The following CACNB4 variants were observed in gnomAD, a reference collection of about 807,000 sequenced individuals.
CACNB4 encodes the protein voltage-dependent L-type calcium channel subunit beta-4.
A neutral mutation model predicts 71.2 loss-of-function variants in CACNB4; 32 were observed. The observed-to-expected ratio is 0.45, with a 90% CI of 0.34 to 0.60. The LOEUF is 0.60. Ranked by LOEUF, CACNB4 falls within the 20% of genes least tolerant of loss-of-function variation. The probability of loss-of-function intolerance (pLI) is 0.01; values close to 1 mark genes in which losing one functional copy is unlikely to be tolerated. For synonymous variants in CACNB4, 231 were observed against 236.9 expected, an observed-to-expected ratio of 0.97 and a Z score of 0.23; for missense variants, 464 against 647.9, an observed-to-expected ratio of 0.72 and a Z score of 3.08.
chr2:151,983,706 C>CACACACACACACAG lies in CACNB4; in HGVS notation c.148-100337_148-100336insCTGTGTGTGTGTGT, dbSNP rs879497687. ...ACACACACACACACACACACACACACACACACAGGGCTTTGCAAGTTATTT... is the reference window on the plus strand; with the variant it reads ...ACACACACACACACACACACACACACACACACACACACAGACACACAGGGCTTTGCAAGTTATTT... On this transcript the variant is annotated intron_variant, in intron 2 of 13. Coordinates refer to ENST00000539935, the MANE Select transcript of CACNB4 (RefSeq NM_000726.5). 2.7e-5 allele frequency among the ~76,000 whole-genome samples: 4 copies of CACACACACACACAG among 149,970 alleles called. No homozygotes were observed. In the East Asian group the frequency reaches 7.7e-4, roughly 29 times the overall value.
chr2:151,844,408 GA>G (rs151256653), intron 12 of CACNB4, among the ~76,000 whole-genome samples: 4,927 of 151,704 alleles, frequency 0.032, 188 homozygotes, highest in African/African-American at 0.089. Context: ...GTAGAGGGAC[GA>G]AAATAAAACA....
chr2:152,021,792 T>C (rs1484396635), intron 2 of CACNB4, among the ~76,000 whole-genome samples: 2 of 152,192 alleles, frequency 1.3e-5, no homozygotes, highest in African/African-American at 4.8e-5. Flanking sequence ...CTAAAAGTAA[T>C]TTGATGTTTC....
intron 2 of CACNB4, among the ~76,000 whole-genome samples, chr2:152,055,198 G>T (rs1168906832): frequency 6.6e-6 from 1 of 152,130 alleles, no homozygotes; most frequent in Non-Finnish European, 1.5e-5. Context: ...TTTTAGTAGA[G>T]ACAGGGTTTC....
At chr2:152,032,856 A>C (rs1221799545) in intron 2 of CACNB4, among the ~76,000 whole-genome samples, 5 of 152,228 alleles carry the variant, frequency 3.3e-5, no homozygotes, top group African/African-American at 4.8e-5. Context: ...CAGGAGACTG[A>C]GGCAAGAGAA....
chr2:151,845,773 G>C (rs1157148946), intron 12 of CACNB4, among the ~76,000 whole-genome samples: 1 of 152,196 alleles, frequency 6.6e-6, no homozygotes, highest in Non-Finnish European at 1.5e-5. Flanking sequence ...CTTTGCCCTT[G>C]TATGATGGGA....
Position 151,834,992 on chromosome 2 carries a change from T to C in CACNB4, c.*4127A>G, listed in dbSNP as rs944473495. On this transcript the variant is annotated 3_prime_UTR_variant, in exon 14 of 14. Coordinates refer to ENST00000539935, the MANE Select transcript of CACNB4 (RefSeq NM_000726.5). ...ACATAGCATTTATTTGAAACATTGA[T>C]ATGAAGTTTATTCCAATTACATGGG... 2 of 151,954 alleles carry C rather than the reference T, an allele frequency of 1.3e-5. No individual in the cohort carries two copies. The highest frequency in any genetic ancestry group is 2.9e-5 in the Non-Finnish European group (2 of 67,822). The allele number at this position is 151,954 out of a possible 1,614,324, so 9.4% of individuals were successfully genotyped here.
At chr2:152,056,416 T>C (rs2105315415) in intron 2 of CACNB4, among the ~76,000 whole-genome samples, 1 of 152,118 alleles carries the variant, frequency 6.6e-6, no homozygotes, top group Non-Finnish European at 1.5e-5. Context: ...CCCAAATGCT[T>C]TGTCAGTTTA....
chr2:152,027,871 A>G (rs1684064672), intron 2 of CACNB4, among the ~76,000 whole-genome samples: 1 of 148,670 alleles, frequency 6.7e-6, no homozygotes, highest in East Asian at 1.9e-4. Context: ...AAAAAAAAAA[A>G]AAAAAGCCAA....
At chr2:151,883,775 G>A in intron 2 of CACNB4, 1 of 273,476 alleles carries the variant, frequency 3.7e-6, no homozygotes, top group Non-Finnish European at 7.1e-6. Flanking sequence ...CTGTATTTGG[G>A]CTATGGGTCA....
At chr2:152,014,828 A>T (rs1683257332) in intron 2 of CACNB4, among the ~76,000 whole-genome samples, 1 of 152,204 alleles carries the variant, frequency 6.6e-6, no homozygotes, top group Non-Finnish European at 1.5e-5. Flanking sequence ...TTTGTGCCTC[A>T]GAGAACCAAT....
chr2:151,876,546 T>G lies in CACNB4; in HGVS notation c.401A>C (p.Asn134Thr). The change falls in exon 5 of 14, where the codon AAT becomes ACT. Residue 134 changes from asparagine to threonine, a missense_variant. Physicochemically the swap from Asn to Thr is moderately conservative, Grantham distance 65. Around this residue, in one of 3 missense-constraint regions of CACNB4, gnomAD observed 299 missense variants for 471.7 expected, o/e 0.63. Coordinates refer to ENST00000539935, the MANE Select transcript of CACNB4 (RefSeq NM_000726.5). ...CACCAGCCTTCCTATCCACCAATCA[T>G]TGTTATATTTCTGGAATTCAGAAAT... ...DFLHIKEKYN[N>T]DWWIGRLVKE... The G allele has an allele frequency of 6.3e-7, 1 of 1,596,574 alleles. No individual in the cohort carries two copies. Among genetic ancestry groups the G allele is most frequent in the Middle Eastern group, 1.7e-4 (1 of 5,994 alleles).
intron 2 of CACNB4, among the ~76,000 whole-genome samples, chr2:151,885,257 G>A (rs1372605582): frequency 6.6e-6 from 1 of 152,250 alleles, no homozygotes; most frequent in Non-Finnish European, 1.5e-5. Flanking sequence ...AAGAGGGACA[G>A]TGCCTACTTC....
chr2:152,067,803 T>C (rs1177258726), intron 2 of CACNB4, among the ~76,000 whole-genome samples: 3 of 152,256 alleles, frequency 2.0e-5, no homozygotes, highest in South Asian at 2.1e-4. Context: ...TGGGATGAGG[T>C]ACATATGGAA....
intron 3 of CACNB4, among the ~76,000 whole-genome samples, chr2:151,881,459 T>C (rs1443614692): frequency 6.6e-6 from 1 of 152,204 alleles, no homozygotes; most frequent in Non-Finnish European, 1.5e-5. Flanking sequence ...TCTTCACAGA[T>C]CACCTTCTCT....
Position 152,098,933 on chromosome 2 carries a change from G to C in CACNB4, c.63+16C>G, listed in dbSNP as rs1249719310. 2.1e-6 allele frequency: 3 copies of C among 1,408,600 alleles called. No homozygotes were observed. Among genetic ancestry groups the C allele is most frequent in the Non-Finnish European group, 1.9e-6 (2 of 1,051,240 alleles). 87.3% of individuals were successfully genotyped at this position (1,408,600 alleles called of 1,614,324 possible). A position where few individuals can be genotyped will look rare whatever the true frequency, so the allele number is the denominator to read the frequency against. On this transcript the variant is annotated intron_variant, in intron 1 of 13. Coordinates refer to ENST00000539935, the MANE Select transcript of CACNB4 (RefSeq NM_000726.5). The surrounding 1 kb of genome is among the most constrained non-coding windows in gnomAD (Gnocchi z 5.3). ...GGAAGAGGAGGAAGAGGAGAAGGGG[G>C]AGGAGGGGGCGGTACCTGCGAGGTG...
At chr2:152,014,086 C>CAA (rs1323819651) in intron 2 of CACNB4, among the ~76,000 whole-genome samples, 1 of 152,180 alleles carries the variant, frequency 6.6e-6, no homozygotes, top group African/African-American at 2.4e-5. Flanking sequence ...CTCATGCCTG[C>CAA]AATCCCAGCA....
intron 2 of CACNB4, among the ~76,000 whole-genome samples, chr2:152,053,286 C>T (rs906539139): frequency 1.3e-5 from 2 of 152,028 alleles, no homozygotes; most frequent in Non-Finnish European, 2.9e-5. Flanking sequence ...CACTAATGGA[C>T]AGTGATGTAG....
chr2:152,077,176 T>A (rs1687077599), intron 2 of CACNB4, among the ~76,000 whole-genome samples: 1 of 152,100 alleles, frequency 6.6e-6, no homozygotes, highest in Non-Finnish European at 1.5e-5. Flanking sequence ...ATCCCAGCAC[T>A]TTGGGAGGCC....
At chr2:152,047,683 C>G (rs1277337199) in intron 2 of CACNB4, among the ~76,000 whole-genome samples, 1 of 152,194 alleles carries the variant, frequency 6.6e-6, no homozygotes. Flanking sequence ...CACTTGAGGT[C>G]AGGAGTTTGA....
Sources: gnomAD v4.1 joint callset for allele counts (sites outside exome capture counted in the v4.1 genomes callset) on GRCh38, gnomAD v4.1.1 for gene constraint, gnomAD v4.1.1 regional missense constraint, Gnocchi (gnomAD v3.1) non-coding constraint, MANE v1.5 for transcripts, NCBI Gene and HGNC (gene_info 2026-07-23, HGNC 2026-07-21) for gene names.